Variants in POFUT3 observed in about 807,000 individuals in gnomAD.
POFUT3 encodes the protein GDP-fucose protein O-fucosyltransferase 3.
the POFUT3 span, among the ~76,000 whole-genome samples, chr8:33,457,706 C>G: frequency 2.6e-5 from 4 of 151,940 alleles, no homozygotes; most frequent in Non-Finnish European, 4.4e-5. Flanking sequence ...CTATTATGTC[C>G]TGGATTTGCT....
the POFUT3 span, among the ~76,000 whole-genome samples, chr8:33,336,021 G>A: frequency 1.3e-5 from 2 of 152,052 alleles, no homozygotes; most frequent in African/African-American, 2.4e-5. Flanking sequence ...CAGTTCAAAC[G>A]CATGTTGTTC....
the POFUT3 span, among the ~76,000 whole-genome samples, chr8:33,412,259 G>T: frequency 1.3e-5 from 2 of 152,162 alleles, no homozygotes; most frequent in East Asian, 3.8e-4. Context: ...TAAATACAGG[G>T]TGAAGGAAAC....
the POFUT3 span, among the ~76,000 whole-genome samples, chr8:33,314,318 A>G: frequency 6.6e-6 from 1 of 152,134 alleles, no homozygotes; most frequent in Non-Finnish European, 1.5e-5. Flanking sequence ...CGTGGGATGG[A>G]GGTTAAACCT....
chr8:33,399,442 A>G, the POFUT3 span, among the ~76,000 whole-genome samples: 121 of 152,366 alleles, frequency 7.9e-4, no homozygotes, highest in South Asian at 3.7e-3. Flanking sequence ...ACATGATAAT[A>G]TAACTGTAAG....
the POFUT3 span, among the ~76,000 whole-genome samples, chr8:33,344,878 T>A: frequency 2.6e-5 from 4 of 152,250 alleles, no homozygotes; most frequent in African/African-American, 9.6e-5. Context: ...TGTACACGGA[T>A]AAGTCACTTG....
the POFUT3 span, among the ~76,000 whole-genome samples, chr8:33,318,818 T>C: frequency 1.3e-4 from 7 of 52,122 alleles, no homozygotes; most frequent in Admixed American, 3.1e-4. Context: ...ATATATTATA[T>C]ATATATATTT....
chr8:33,429,426 A>G, the POFUT3 span, among the ~76,000 whole-genome samples: 3 of 152,246 alleles, frequency 2.0e-5, no homozygotes, highest in Non-Finnish European at 4.4e-5. Flanking sequence ...GTTTCTGTCA[A>G]ACTGAGTATG....
chr8:33,404,408 G>A, the POFUT3 span, among the ~76,000 whole-genome samples: 5 of 151,982 alleles, frequency 3.3e-5, no homozygotes, highest in African/African-American at 1.2e-4. Context: ...TACAAAGTTT[G>A]GGAGTGTGGG....
chr8:33,315,547 G>T, the POFUT3 span, among the ~76,000 whole-genome samples: 2 of 152,242 alleles, frequency 1.3e-5, no homozygotes, highest in Admixed American at 1.3e-4. Flanking sequence ...GGGTCAGAAA[G>T]TGGGGGCCGT....
chr8:33,378,448 C>T, the POFUT3 span, among the ~76,000 whole-genome samples: 1 of 152,114 alleles, frequency 6.6e-6, no homozygotes, highest in Admixed American at 6.5e-5. Context: ...TAAACTCTCC[C>T]TCCAACTAAC....
chr8:33,414,463 A>G, the POFUT3 span, among the ~76,000 whole-genome samples: 1 of 152,148 alleles, frequency 6.6e-6, no homozygotes, highest in Admixed American at 6.5e-5. Context: ...AGCTTCAACC[A>G]TCTGGCCTTT....
the POFUT3 span, among the ~76,000 whole-genome samples, chr8:33,380,005 TATATATATAGTATATATATATA>T: frequency 2.6e-5 from 2 of 75,770 alleles, no homozygotes; most frequent in Admixed American, 1.7e-4. Flanking sequence ...ATATATATAC[TATATATATAGTATATATATATA>T]CTATATATAT....
the POFUT3 span, among the ~76,000 whole-genome samples, chr8:33,311,607 C>T: frequency 3.3e-5 from 5 of 152,048 alleles, no homozygotes; most frequent in South Asian, 6.2e-4. Context: ...ATGTTAATGT[C>T]GGTTTTACTT....
At chr8:33,409,322 C>T in the POFUT3 span, among the ~76,000 whole-genome samples, 1,224 of 152,168 alleles carry the variant, frequency 8.0e-3, 17 homozygotes, top group African/African-American at 0.029. Context: ...AGGCTTGTCT[C>T]GAACCCCTGA....
chr8:33,388,768 C>T, the POFUT3 span: 2 of 590,380 alleles, frequency 3.4e-6, no homozygotes, highest in Non-Finnish European at 6.0e-6. Context: ...GGAATGAAGG[C>T]CTGTCCAGGG....
the POFUT3 span, among the ~76,000 whole-genome samples, chr8:33,374,485 G>A: frequency 6.6e-6 from 1 of 152,170 alleles, no homozygotes; most frequent in African/African-American, 2.4e-5. Context: ...AAACGTGATG[G>A]TTTAATTACA....
chr8:33,313,302 T>C, the POFUT3 span, among the ~76,000 whole-genome samples: 1 of 152,158 alleles, frequency 6.6e-6, no homozygotes, highest in Non-Finnish European at 1.5e-5. Flanking sequence ...CAAACGCTAT[T>C]TATTGCTATG....
chr8:33,315,766 T>G, the POFUT3 span, among the ~76,000 whole-genome samples: 2 of 152,162 alleles, frequency 1.3e-5, no homozygotes, highest in African/African-American at 4.8e-5. Flanking sequence ...GACCTCTTTT[T>G]TTCATTAAGC....
chr8:33,340,922 A>G, the POFUT3 span, among the ~76,000 whole-genome samples: 1 of 152,216 alleles, frequency 6.6e-6, no homozygotes, highest in Non-Finnish European at 1.5e-5. Context: ...ACAACACAAC[A>G]TGCCATCAAC....
Sources: allele counts gnomAD v4.1 joint callset (sites outside exome capture counted in the v4.1 genomes callset), GRCh38; gene constraint gnomAD v4.1.1; transcripts MANE v1.5; gene names NCBI Gene and HGNC (gene_info 2026-07-23, HGNC 2026-07-21).